The following CSGALNACT1 variants were observed in gnomAD, a reference collection of about 807,000 sequenced individuals.
CSGALNACT1 encodes beta4GalNAcT-1.
A neutral mutation model predicts 51.0 loss-of-function variants in CSGALNACT1; 52 were observed. The observed-to-expected ratio is 1.02, with a 90% CI of 0.82 to 1.29. The LOEUF (loss-of-function observed/expected upper bound fraction) is 1.29, where lower values mean the gene tolerates loss of function less well. Ranked by LOEUF, CSGALNACT1 falls within the 50% of genes most tolerant of loss-of-function variation. The probability of loss-of-function intolerance (pLI) is 0.00; values close to 1 mark genes in which losing one functional copy is unlikely to be tolerated. For synonymous variants in CSGALNACT1, 341 were observed against 254.4 expected (o/e 1.34, Z -3.24); for missense variants, 935 against 679.2 (o/e 1.38, Z -4.19).
At chr8:19,707,287 C>A (rs1589621666) in intron 1 of CSGALNACT1, among the ~76,000 whole-genome samples, 2 of 152,270 alleles carry the variant, frequency 1.3e-5, no homozygotes, top group African/African-American at 4.8e-5. Flanking sequence ...TTAGGCATAA[C>A]AAATTACAAC....
chr8:19,450,559 G>A (rs1250693191), intron 5 of CSGALNACT1, among the ~76,000 whole-genome samples: 6 of 152,116 alleles, frequency 3.9e-5, no homozygotes, highest in Admixed American at 6.5e-5. Context: ...CAGCAGGAGT[G>A]AAGGAGCCTG....
chr8:19,557,846 C>T (rs932747386), intron 3 of CSGALNACT1, among the ~76,000 whole-genome samples: 15 of 152,306 alleles, frequency 9.8e-5, no homozygotes, highest in African/African-American at 2.2e-4. Context: ...TTGTTCACCA[C>T]GCCATTCTTC....
At chr8:19,498,998 C>T (rs922724222) in intron 4 of CSGALNACT1, among the ~76,000 whole-genome samples, 7 of 152,056 alleles carry the variant, frequency 4.6e-5, no homozygotes, top group South Asian at 2.1e-4. Flanking sequence ...CACCTGTAGC[C>T]CAGCTGCTCC....
At chr8:19,493,475 G>A (rs959457346) in intron 4 of CSGALNACT1, among the ~76,000 whole-genome samples, 2 of 152,092 alleles carry the variant, frequency 1.3e-5, no homozygotes, top group African/African-American at 4.8e-5. Context: ...AGTATTCACA[G>A]TCACTCCCCA....
intron 3 of CSGALNACT1, among the ~76,000 whole-genome samples, chr8:19,572,240 T>C (rs1423009973): frequency 6.6e-6 from 1 of 152,224 alleles, no homozygotes; most frequent in Non-Finnish European, 1.5e-5. Context: ...AAGATTTACA[T>C]GTTTATCTAC....
intron 3 of CSGALNACT1, among the ~76,000 whole-genome samples, chr8:19,571,706 A>T (rs1250238671): frequency 1.3e-5 from 2 of 152,246 alleles, no homozygotes; most frequent in Non-Finnish European, 2.9e-5. Flanking sequence ...TCCCAGCCAA[A>T]GCCCACTGAA....
chr8:19,687,873 A>G (rs1266153163), intron 1 of CSGALNACT1, among the ~76,000 whole-genome samples: 1 of 152,254 alleles, frequency 6.6e-6, no homozygotes, highest in Non-Finnish European at 1.5e-5. Flanking sequence ...TGGAAAAGTG[A>G]CTGAAGCAGA....
At chr8:19,664,905 G>T (rs889471651) in intron 1 of CSGALNACT1, among the ~76,000 whole-genome samples, 41 of 152,346 alleles carry the variant, frequency 2.7e-4, no homozygotes, top group Admixed American at 2.3e-3. Flanking sequence ...TGGGGGGTGA[G>T]AGACAACAAA....
intron 3 of CSGALNACT1, among the ~76,000 whole-genome samples, chr8:19,568,092 A>C (rs2042258253): frequency 6.6e-6 from 1 of 152,184 alleles, no homozygotes. Context: ...TGGTTTTTGC[A>C]ATGTAGAGAT....
chr8:19,516,379 A>C lies in CSGALNACT1; in HGVS notation c.-296-10249T>G, dbSNP rs965192674. Among the ~76,000 whole-genome samples, 3 of 152,098 alleles carry C rather than the reference A, an allele frequency of 2.0e-5. No homozygotes were observed. In the East Asian group the frequency reaches 5.8e-4, roughly 29 times the overall value. On this transcript the variant is annotated intron_variant, in intron 3 of 9. Coordinates refer to ENST00000454498, the Ensembl canonical transcript of CSGALNACT1. ...TACGCTATACTGTTCAACCCGCTTCATAATCTCAAACTGCTTGCTGAGACC... is the reference window on the plus strand; with the variant it reads ...TACGCTATACTGTTCAACCCGCTTCCTAATCTCAAACTGCTTGCTGAGACC...
chr8:19,597,356 T>C (rs925998570), intron 2 of CSGALNACT1, among the ~76,000 whole-genome samples: 12 of 141,462 alleles, frequency 8.5e-5, no homozygotes, highest in African/African-American at 3.2e-4. Context: ...AGTGCAGTGA[T>C]GTGATCATAG....
At chr8:19,418,689 G>C in exon 8 of CSGALNACT1, 1 of 1,613,558 alleles carries the variant, frequency 6.2e-7, no homozygotes, top group East Asian at 2.2e-5. Flanking sequence ...CTGCATCATG[G>C]TGGCCGTATA....
In CSGALNACT1 at chr8:19,547,287, C is replaced by G. The variant is rs1039543151; in HGVS notation, c.-296-41157G>C. 9.8e-5 allele frequency among the ~76,000 whole-genome samples: 15 copies of G among 152,314 alleles called. No individual in the cohort carries two copies. In the South Asian group the frequency reaches 2.7e-3, roughly 27 times the overall value. On this transcript the variant is annotated intron_variant, in intron 3 of 9. Coordinates refer to ENST00000454498, the Ensembl canonical transcript of CSGALNACT1. Reference sequence around the variant, plus strand: ...AAAGCTCTAACTGGTCATCTATGGTCCAAGTCTGATAACTAACTGGAATCA... The same window carrying G: ...AAAGCTCTAACTGGTCATCTATGGTGCAAGTCTGATAACTAACTGGAATCA...
In CSGALNACT1 at chr8:19,587,285, G is replaced by T. The variant is rs74621113; in HGVS notation, c.-297+3875C>A. On this transcript the variant is annotated intron_variant, in intron 3 of 9. Transcript: ENST00000454498. Reference sequence around the variant, plus strand: ...AGTTTTATTAAAGCTCCAAATCAAAGGTTCAGAAACACTGGCTTAGTCTAC... The same window carrying T: ...AGTTTTATTAAAGCTCCAAATCAAATGTTCAGAAACACTGGCTTAGTCTAC... 9.4e-3 allele frequency among the ~76,000 whole-genome samples: 1,426 copies of T among 152,278 alleles called. 23 individuals carry two copies. The highest frequency in any genetic ancestry group is 0.032 in the African/African-American group (1,333 of 41,554).
chr8:19,560,185 A>G (rs1489432427), intron 3 of CSGALNACT1, among the ~76,000 whole-genome samples: 1 of 152,222 alleles, frequency 6.6e-6, no homozygotes, highest in Non-Finnish European at 1.5e-5. Flanking sequence ...ATGGAACTAG[A>G]GTATCCAAAT....
chr8:19,618,732 C>T (rs1331517801), intron 1 of CSGALNACT1, among the ~76,000 whole-genome samples: 2 of 151,570 alleles, frequency 1.3e-5, no homozygotes, highest in African/African-American at 2.4e-5. Context: ...TCTCCCTGTC[C>T]TAGAAACCAC....
intron 4 of CSGALNACT1, among the ~76,000 whole-genome samples, chr8:19,479,994 T>C (rs932893020): frequency 6.6e-6 from 1 of 152,240 alleles, no homozygotes; most frequent in African/African-American, 2.4e-5. Context: ...AAAATAACTG[T>C]TCTCAACATG....
At chr8:19,404,688 T>C (rs1029493551) in exon 10 of CSGALNACT1, 1 of 454,036 alleles carries the variant, frequency 2.2e-6, no homozygotes, top group African/African-American at 2.0e-5. Flanking sequence ...TGAAAAGAGA[T>C]TGTTTGGTTC....
intron 1 of CSGALNACT1, among the ~76,000 whole-genome samples, chr8:19,609,423 T>C (rs2154151440): frequency 6.6e-6 from 1 of 151,014 alleles, no homozygotes; most frequent in Admixed American, 6.6e-5. Flanking sequence ...TTTTAAATCA[T>C]TTCAATGTGT....
Sources: allele counts gnomAD v4.1 joint callset (sites outside exome capture counted in the v4.1 genomes callset), GRCh38; gene constraint gnomAD v4.1.1; transcripts MANE v1.5; gene names NCBI Gene and HGNC (gene_info 2026-07-23, HGNC 2026-07-21).